Variants in RHOT1 observed in about 807,000 individuals in gnomAD.
RHOT1 encodes ras homolog family member T1.
RHOT1 carries 27 observed loss-of-function variants against 95.3 expected under a neutral mutation model. The observed-to-expected ratio is 0.28, with a 90% CI of 0.21 to 0.39. The LOEUF (loss-of-function observed/expected upper bound fraction) is 0.39, where lower values mean the gene tolerates loss of function less well. Ranked by LOEUF, RHOT1 falls within the 10% of genes least tolerant of loss-of-function variation. RHOT1 has a pLI of 1.00. For missense variants in RHOT1, 578 were observed against 786.7 expected (o/e 0.73, Z 3.17); for synonymous variants, 227 against 263.5 (o/e 0.86, Z 1.34).
intron 8 of RHOT1, 61 bp from the exon 9 acceptor site, chr17:32,192,140 C>A: frequency 2.4e-6 from 2 of 825,584 alleles, no homozygotes; most frequent in Non-Finnish European, 4.0e-6. Context: ...CAGAATTATT[C>A]TCAGCATTGC....
At chr17:32,198,050 A>G (rs2037037044) in intron 11 of RHOT1, among the ~76,000 whole-genome samples, 1 of 152,062 alleles carries the variant, frequency 6.6e-6, no homozygotes, top group Non-Finnish European at 1.5e-5. Flanking sequence ...ATGTGCCACC[A>G]TGCCTAGTTA....
At position 32,207,688 on chromosome 17, in the gene RHOT1, A is replaced by G. The variant is rs112449224; in HGVS notation, c.1537-419A>G. The G allele has an allele frequency of 2.1e-3, 336 of 160,352 alleles. 2 individuals are homozygous for G. The highest frequency in any genetic ancestry group is 4.1e-3 in the South Asian group (24 of 5,816). 9.9% of individuals were successfully genotyped at this position (160,352 alleles called of 1,614,324 possible). A position where few individuals can be genotyped will look rare whatever the true frequency, so the allele number is the denominator to read the frequency against. ...TGGAGGACACAGTATTACATTTTTA[A>G]GTGGTTATGTCCAGCATGACTGCGA... On this transcript the variant is annotated intron_variant, in intron 17 of 19. Coordinates refer to ENST00000545287, the MANE Select transcript of RHOT1 (RefSeq NM_001033566.3).
intron 1 of RHOT1, chr17:32,151,239 A>G: frequency 1.4e-6 from 1 of 724,712 alleles, no homozygotes; most frequent in Admixed American, 1.7e-5. Flanking sequence ...AGTTCTTTAT[A>G]CTGTTGGCGG....
At chr17:32,153,343 G>C (rs746393182) in intron 1 of RHOT1, among the ~76,000 whole-genome samples, 4 of 152,196 alleles carry the variant, frequency 2.6e-5, no homozygotes, top group Non-Finnish European at 4.4e-5. Context: ...GTAGATGAAG[G>C]ATGAGAATAT....
chr17:32,205,339 G>C (rs1389453698), intron 16 of RHOT1, among the ~76,000 whole-genome samples: 1 of 152,014 alleles, frequency 6.6e-6, no homozygotes, highest in African/African-American at 2.4e-5. Context: ...TCCCTGCAAA[G>C]GACATGAACT....
At chr17:32,206,434 A>G (rs1342497170) in intron 16 of RHOT1, among the ~76,000 whole-genome samples, 5 of 112,836 alleles carry the variant, frequency 4.4e-5, no homozygotes, top group Admixed American at 2.8e-4. Flanking sequence ...TTATTTGTCT[A>G]TACTTTCTTT....
At chr17:32,171,397 T>C (rs2034566341) in intron 2 of RHOT1, among the ~76,000 whole-genome samples, 1 of 152,182 alleles carries the variant, frequency 6.6e-6, no homozygotes, top group African/African-American at 2.4e-5. Flanking sequence ...GTTGAGACTT[T>C]TTAAAAAGCT....
intron 1 of RHOT1, among the ~76,000 whole-genome samples, chr17:32,160,996 A>G (rs145166217): frequency 1.4e-4 from 22 of 152,212 alleles, no homozygotes. Context: ...GACACCACCC[A>G]GAGTTAGCTT....
chr17:32,182,734 A>G (rs369097398), intron 6 of RHOT1, 23 bp from the exon 7 acceptor site: 17 of 1,334,788 alleles, frequency 1.3e-5, no homozygotes, highest in Admixed American at 2.1e-5. Flanking sequence ...CTTCCTTATT[A>G]CAATGTGCCC....
chr17:32,200,842 C>G, intron 13 of RHOT1, 114 bp from the exon 14 acceptor site: 1 of 662,346 alleles, frequency 1.5e-6, no homozygotes, highest in East Asian at 2.9e-5. Context: ...TTAAAGTAGT[C>G]TAGACAAAAA....
chr17:32,144,846 A>G (rs1391092630), intron 1 of RHOT1, among the ~76,000 whole-genome samples: 1 of 151,560 alleles, frequency 6.6e-6, no homozygotes, highest in Non-Finnish European at 1.5e-5. Flanking sequence ...CAACACTATT[A>G]GCTAGGCATG....
chr17:32,144,234 C>T (rs2030921707), intron 1 of RHOT1, among the ~76,000 whole-genome samples: 2 of 152,254 alleles, frequency 1.3e-5, no homozygotes, highest in South Asian at 4.1e-4. Context: ...GAGTCTCGCT[C>T]TGTCACCGAG....
At chr17:32,171,795 C>T (rs2034598550) in intron 2 of RHOT1, among the ~76,000 whole-genome samples, 2 of 152,186 alleles carry the variant, frequency 1.3e-5, no homozygotes, top group Non-Finnish European at 1.5e-5. Context: ...TATGATCTAC[C>T]TGCTTCATTT....
At position 32,150,830 on chromosome 17, in the gene RHOT1, G is replaced by A. The variant is rs1238676532; in HGVS notation, c.37+8101G>A. On this transcript the variant is annotated intron_variant, in intron 1 of 19. Transcript: ENST00000545287. ...CATGCCCAATTGGAAGGGTCTAAGA[G>A]CTGAGGTGGAAGGGAGCTGTAGAAA... is the stretch of plus-strand genomic sequence containing the variant. 5 of 1,527,760 alleles carry A rather than the reference G, an allele frequency of 3.3e-6. No individual in the cohort carries two copies. The Admixed American group carries it at 7.4e-5, about 23-fold the overall frequency. 94.6% of individuals were successfully genotyped at this position (1,527,760 alleles called of 1,614,324 possible). A position where few individuals can be genotyped will look rare whatever the true frequency, so the allele number is the denominator to read the frequency against.
chr17:32,181,442 T>A (rs2035626653), intron 6 of RHOT1, among the ~76,000 whole-genome samples: 1 of 152,252 alleles, frequency 6.6e-6, no homozygotes, highest in Non-Finnish European at 1.5e-5. Flanking sequence ...TGTTTCTGTC[T>A]TATAAAATAT....
intron 1 of RHOT1, among the ~76,000 whole-genome samples, chr17:32,165,891 G>A (rs1195128474): frequency 6.6e-6 from 1 of 152,032 alleles, no homozygotes; most frequent in Non-Finnish European, 1.5e-5. Context: ...GCATATAAAA[G>A]TTATGTTTAT....
intron 8 of RHOT1, among the ~76,000 whole-genome samples, chr17:32,189,815 C>T (rs572953511): frequency 1.3e-5 from 2 of 150,516 alleles, no homozygotes; most frequent in Non-Finnish European, 3.0e-5. Context: ...TCACTGCAAC[C>T]TCCGCCTCCC....
At chr17:32,167,487 C>T (rs764660028) in intron 1 of RHOT1, among the ~76,000 whole-genome samples, 8 of 152,062 alleles carry the variant, frequency 5.3e-5, no homozygotes, top group South Asian at 2.1e-4. Context: ...CCACAATGCC[C>T]GGTTAATTTT....
At position 32,151,071 on chromosome 17, in the gene RHOT1, C is replaced by T. The variant is rs373565814; in HGVS notation, c.37+8342C>T. 1.3e-4 allele frequency: 160 copies of T among 1,246,898 alleles called. 2 individuals carry two copies. The African/African-American group carries it at 2.2e-3, about 17-fold the overall frequency. The allele number at this position is 1,246,898 out of a possible 1,614,324, so 77.2% of individuals were successfully genotyped here. ...CTGTTCTTGGAGAAGGCATTCCAGG[C>T]TTCTCCTGAGTGAAAACAGCCAGGT... On this transcript the variant is annotated intron_variant, in intron 1 of 19. Coordinates refer to ENST00000545287, the MANE Select transcript of RHOT1 (RefSeq NM_001033566.3).
Sources: gnomAD v4.1 joint callset for allele counts (sites outside exome capture counted in the v4.1 genomes callset) on GRCh38, gnomAD v4.1.1 for gene constraint, MANE v1.5 for transcripts, NCBI Gene and HGNC (gene_info 2026-07-23, HGNC 2026-07-21) for gene names.